The following H2AC4 variants were observed in gnomAD, a reference collection of about 807,000 sequenced individuals.
H2AC4 encodes H2A clustered histone 4.
H2AC4 carries 8 observed loss-of-function variants against 6.1 expected under a neutral mutation model. That is an observed-to-expected ratio of 1.31 (90% CI 0.77 to 2.36). The LOEUF (loss-of-function observed/expected upper bound fraction) is 2.36, where lower values mean the gene tolerates loss of function less well. Among genes scored for constraint, H2AC4 ranks in the 30% most tolerant of loss-of-function variants. H2AC4 has a pLI of 0.00. For missense variants in H2AC4, 260 were observed against 180.4 expected (o/e 1.44, Z -2.53); for synonymous variants, 129 against 78.4 (o/e 1.64, Z -3.41).
Position 26,033,496 on chromosome 6 carries a change from G to A in H2AC4, c.73C>T (p.Gln25Ter), listed in dbSNP as rs201234562. The change falls in exon 1 of 1, where the codon CAG (glutamine) becomes TAG (stop). Residue 25 changes from glutamine (Q) to a stop codon, truncating the protein, a stop_gained. Transcript: ENST00000615868. LOFTEE classifies it high-confidence loss of function. ...AKTRSSRAGL[Q>*]FPVGRVHRLL... is the part of the protein sequence containing the mutation. ...CGGTGCACTCGGCCCACAGGAAACT[G>A]CAAACCTGCACGAGAAGACCGAGTC... 2.7e-4 allele frequency: 432 copies of A among 1,614,190 alleles called. 3 individuals are homozygous for A. The South Asian group carries it at 4.5e-3, about 17-fold the overall frequency.
At position 26,033,248 on chromosome 6, in the gene H2AC4, G is replaced by A. The variant is rs775754511; in HGVS notation, c.321C>T (p.Gly107=). 1.1e-5 allele frequency: 18 copies of A among 1,614,038 alleles called. No individual in the cohort carries two copies. Among genetic ancestry groups the A allele is most frequent in the African/African-American group, 6.7e-5 (5 of 74,910 alleles). The part of the protein sequence containing the change: ...LLGRVTIAQG[G]VLPNIQAVLL... ...GCACCGCCTGAATATTAGGCAAAAC[G>A]CCACCCTGCGCGATGGTCACACGCC... Residue 107 remains glycine, a synonymous_variant, in exon 1 of 1, where the codon GGC becomes GGT. Transcript: ENST00000615868.
Position 26,033,100 on chromosome 6 carries a change from C to A in H2AC4, c.*76G>T. On this transcript the variant is annotated 3_prime_UTR_variant, in exon 1 of 1. Transcript: ENST00000615868. ...CTCATTTAATGGAAGTCGTAGGTGG[C>A]TCTGAAAAGAGCCTTTGCTGTTAGG... 6.4e-7 allele frequency: 1 copy of A among 1,554,100 alleles called. No homozygotes were observed. The highest frequency in any genetic ancestry group is 8.7e-7 in the Non-Finnish European group (1 of 1,143,930).
At position 26,033,165 on chromosome 6, in the gene H2AC4, G is replaced by C. The variant is rs1393203323; in HGVS notation, c.*11C>G. Reference sequence around the variant, plus strand: ...TGACAGAAAAACAGCAGTGCATGAAGCGTTAACTCTTCACTTTCCCTTGGC... The same window carrying C: ...TGACAGAAAAACAGCAGTGCATGAACCGTTAACTCTTCACTTTCCCTTGGC... On this transcript the variant is annotated 3_prime_UTR_variant, in exon 1 of 1. Coordinates refer to ENST00000615868, the MANE Select transcript of H2AC4 (RefSeq NM_003513.3). The C allele has an allele frequency of 1.9e-6, 3 of 1,613,846 alleles. No homozygotes were observed. Among genetic ancestry groups the C allele is most frequent in the East Asian group, 2.2e-5 (1 of 44,888 alleles).
rs771905911 is a variant in H2AC4, at chr6:26,033,186, TTGGCC to T, written c.378_382del (p.Ala127GlyfsTer6). On this transcript the variant is annotated frameshift_variant, in exon 1 of 1. Transcript: ENST00000615868. LOFTEE classifies it high-confidence loss of function. ...TGAAGCGTTAACTCTTCACTTTCCC[TTGGCC>T]TTATGATGGCTCTCAGTTTTCTTAG... 1 of 1,614,220 alleles carries T rather than the reference TTGGCC, an allele frequency of 6.2e-7. No individual in the cohort carries two copies. The highest frequency in any genetic ancestry group is 8.5e-7 in the Non-Finnish European group (1 of 1,180,036).
Position 26,033,319 on chromosome 6 carries a change from G to C in H2AC4, c.250C>G (p.Leu84Val), listed in dbSNP as rs1429374780. ...NKKTRIIPRH[L>V]QLAIRNDEEL... ...TCGTCATTGCGGATGGCCAATTGCA[G>C]GTGGCGCGGGATGATGCGGGTCTTC... Residue 84 changes from leucine (L) to valine (V), a missense_variant, in exon 1 of 1, where the codon CTG becomes GTG. By Grantham distance (32) the Leu-to-Val change is conservative. Transcript: ENST00000615868. 1.9e-6 allele frequency: 3 copies of C among 1,614,180 alleles called. No individual in the cohort carries two copies. Among genetic ancestry groups the C allele is most frequent in the East Asian group, 2.2e-5 (1 of 44,864 alleles).
In H2AC4 at chr6:26,033,265, T is replaced by C; in HGVS notation, c.304A>G (p.Thr102Ala). 1 of 1,614,180 alleles carries C rather than the reference T, an allele frequency of 6.2e-7. No individual in the cohort carries two copies. The highest frequency in any genetic ancestry group is 8.5e-7 in the Non-Finnish European group (1 of 1,180,028). ...GGCAAAACGCCACCCTGCGCGATGGTCACACGCCCCAAGAGTTTATTAAGC... is the reference window on the plus strand; with the variant it reads ...GGCAAAACGCCACCCTGCGCGATGGCCACACGCCCCAAGAGTTTATTAAGC... ...EELNKLLGRV[T>A]IAQGGVLPNI... The change falls in exon 1 of 1, where the codon ACC becomes GCC. Residue 102 changes from threonine to alanine, a missense_variant. Coordinates refer to ENST00000615868, the MANE Select transcript of H2AC4 (RefSeq NM_003513.3).
Position 26,033,505 on chromosome 6 carries a change from C to A in H2AC4, c.64G>T (p.Ala22Ser), listed in dbSNP as rs1387729496. Reference sequence around the variant, plus strand: ...CGGCCCACAGGAAACTGCAAACCTGCACGAGAAGACCGAGTCTTAGCCTTG... The same window carrying A: ...CGGCCCACAGGAAACTGCAAACCTGAACGAGAAGACCGAGTCTTAGCCTTG... ...RAKAKTRSSR[A>S]GLQFPVGRVH... The change falls in exon 1 of 1, where the codon GCA (alanine) becomes TCA (serine). Residue 22 changes from alanine to serine, a missense_variant. By Grantham distance (99) the Ala-to-Ser change is moderately conservative. Transcript: ENST00000615868. The A allele has an allele frequency of 1.2e-6, 2 of 1,614,226 alleles. No individual in the cohort carries two copies. The highest frequency in any genetic ancestry group is 1.7e-6 in the Non-Finnish European group (2 of 1,180,038).
In H2AC4 at chr6:26,033,507, C is replaced by A. The variant is rs200253591; in HGVS notation, c.62G>T (p.Arg21Leu). The A allele has an allele frequency of 1.3e-5, 21 of 1,614,078 alleles. No individual in the cohort carries two copies. In the Admixed American group the frequency reaches 2.3e-4, roughly 18 times the overall value. ...GCCCACAGGAAACTGCAAACCTGCA[C>A]GAGAAGACCGAGTCTTAGCCTTGGC... ...ARAKAKTRSS[R>L]AGLQFPVGRV... is the part of the protein sequence containing the mutation. The change falls in exon 1 of 1, where the codon CGT becomes CTT. Residue 21 changes from arginine (R) to leucine (L), a missense_variant. Physicochemically the swap from Arg to Leu is moderately radical, Grantham distance 102 (BLOSUM62 -2). Transcript: ENST00000615868.
rs781004178 is a variant in H2AC4 at position 26,033,202 on chromosome 6, T to C, written c.367A>G (p.Ser123Gly). The C allele has an allele frequency of 1.2e-6, 2 of 1,614,146 alleles. No individual in the cohort carries two copies. Among genetic ancestry groups the C allele is most frequent in the Non-Finnish European group, 8.5e-7 (1 of 1,180,014 alleles). ...QAVLLPKKTE[S>G]HHKAKGK ...CACTTTCCCTTGGCCTTATGATGGCTCTCAGTTTTCTTAGGCAGCAGCACC... is the reference window on the plus strand; with the variant it reads ...CACTTTCCCTTGGCCTTATGATGGCCCTCAGTTTTCTTAGGCAGCAGCACC... The change falls in exon 1 of 1, where the codon AGC (serine) becomes GGC (glycine). Residue 123 changes from serine (S) to glycine (G), a missense_variant. By Grantham distance (56) the Ser-to-Gly change is moderately conservative. Transcript: ENST00000615868.
Position 26,033,218 on chromosome 6 carries a change from C to T in H2AC4, c.351G>A (p.Leu117=). Residue 117 remains leucine, a synonymous_variant, in exon 1 of 1, where the codon CTG becomes CTA. Coordinates refer to ENST00000615868, the MANE Select transcript of H2AC4 (RefSeq NM_003513.3). ...GVLPNIQAVL[L]PKKTESHHKA... is the part of the protein sequence containing the mutation. ...TATGATGGCTCTCAGTTTTCTTAGG[C>T]AGCAGCACCGCCTGAATATTAGGCA... 2.5e-6 allele frequency: 4 copies of T among 1,614,200 alleles called. No homozygotes were observed. The highest frequency in any genetic ancestry group is 2.2e-5 in the South Asian group (2 of 91,086).
At position 26,033,600 on chromosome 6, in the gene H2AC4, G is replaced by C; in HGVS notation, c.-32C>G. 6.2e-7 allele frequency: 1 copy of C among 1,606,634 alleles called. No homozygotes were observed. ...TTCTGATAAGGGAAAATCGCCACAA[G>C]AAAATGTAATGAAACTACATTAGAA... On this transcript the variant is annotated 5_prime_UTR_variant, in exon 1 of 1. Coordinates refer to ENST00000615868, the MANE Select transcript of H2AC4 (RefSeq NM_003513.3).
Position 26,033,590 on chromosome 6 carries a change from ATCGCC to A in H2AC4, c.-27_-23del. The A allele has an allele frequency of 6.2e-7, 1 of 1,608,354 alleles. No individual in the cohort carries two copies. The highest frequency in any genetic ancestry group is 1.7e-5 in the Admixed American group (1 of 57,736). On this transcript the variant is annotated 5_prime_UTR_variant, in exon 1 of 1. Coordinates refer to ENST00000615868, the MANE Select transcript of H2AC4 (RefSeq NM_003513.3). Reference sequence around the variant, plus strand: ...ACATAACTACTTCTGATAAGGGAAAATCGCCACAAGAAAATGTAATGAAACTACAT... The same window carrying A: ...ACATAACTACTTCTGATAAGGGAAAAACAAGAAAATGTAATGAAACTACAT...
At position 26,033,581 on chromosome 6, in the gene H2AC4, T is replaced by TAAA. The variant is rs1554147671; in HGVS notation, c.-14_-13insTTT. ...CGCGACCAGACATAACTACTTCTGA[T>TAAA]AAGGGAAAATCGCCACAAGAAAATG... On this transcript the variant is annotated 5_prime_UTR_variant, in exon 1 of 1. Coordinates refer to ENST00000615868, the MANE Select transcript of H2AC4 (RefSeq NM_003513.3). 3.6e-5 allele frequency: 57 copies of TAAA among 1,604,534 alleles called. No individual in the cohort carries two copies. Among genetic ancestry groups the TAAA allele is most frequent in the South Asian group, 2.6e-4 (23 of 90,092 alleles).
Position 26,033,105 on chromosome 6 carries a change from A to T in H2AC4, c.*71T>A. 2 of 1,569,614 alleles carry T rather than the reference A, an allele frequency of 1.3e-6. No homozygotes were observed. The highest frequency in any genetic ancestry group is 2.3e-5 in the South Asian group (2 of 86,658). On this transcript the variant is annotated 3_prime_UTR_variant, in exon 1 of 1. Transcript: ENST00000615868. ...TTAATGGAAGTCGTAGGTGGCTCTG[A>T]AAAGAGCCTTTGCTGTTAGGCTGAT...
At position 26,033,399 on chromosome 6, in the gene H2AC4, T is replaced by C. The variant is rs774006125; in HGVS notation, c.170A>G (p.Glu57Gly). The change falls in exon 1 of 1, where the codon GAG becomes GGG. Residue 57 changes from glutamate to glycine, a missense_variant. Glu to Gly is a moderately conservative substitution (Grantham distance 98). Transcript: ENST00000615868. ...CTCCAGGATCTCGGCGGTCAGGTAC[T>C]CAAGCACCGCCGCGAGATACACCGG... ...GAPVYLAAVLEYLTAEILELA... is the reference protein window; with the variant it reads ...GAPVYLAAVLGYLTAEILELA... The C allele has an allele frequency of 2.5e-6, 4 of 1,613,866 alleles. No individual in the cohort carries two copies. In the South Asian group the frequency reaches 4.4e-5, roughly 18 times the overall value.
Position 26,033,542 on chromosome 6 carries a change from A to G in H2AC4, c.27T>C (p.Gly9=). ...GAGTCTTAGCCTTGGCGCGAGCTTTACCGCCTTGTTTGCCGCGACCAGACA... is the reference window on the plus strand; with the variant it reads ...GAGTCTTAGCCTTGGCGCGAGCTTTGCCGCCTTGTTTGCCGCGACCAGACA... MSGRGKQG[G]KARAKAKTRS... Residue 9 remains glycine (G), a synonymous_variant, in exon 1 of 1, where the codon GGT becomes GGC. Coordinates refer to ENST00000615868, the MANE Select transcript of H2AC4 (RefSeq NM_003513.3). 1 of 1,612,364 alleles carries G rather than the reference A, an allele frequency of 6.2e-7. No individual in the cohort carries two copies. The highest frequency in any genetic ancestry group is 8.5e-7 in the Non-Finnish European group (1 of 1,179,728).
rs745693623 is a variant in H2AC4, at chr6:26,033,205, C to T, written c.364G>A (p.Glu122Lys). 1 of 1,614,058 alleles carries T rather than the reference C, an allele frequency of 6.2e-7. No individual in the cohort carries two copies. Among genetic ancestry groups the T allele is most frequent in the Admixed American group, 1.7e-5 (1 of 60,018 alleles). ...TTTCCCTTGGCCTTATGATGGCTCT[C>T]AGTTTTCTTAGGCAGCAGCACCGCC... ...IQAVLLPKKT[E>K]SHHKAKGK Residue 122 changes from glutamate to lysine, a missense_variant, in exon 1 of 1, where the codon GAG (glutamate) becomes AAG (lysine). Glu to Lys is a moderately conservative substitution (Grantham distance 56, BLOSUM62 1). Coordinates refer to ENST00000615868, the MANE Select transcript of H2AC4 (RefSeq NM_003513.3).
Position 26,033,097 on chromosome 6 carries a change from T to C in H2AC4, c.*79A>G. On this transcript the variant is annotated 3_prime_UTR_variant, in exon 1 of 1. Transcript: ENST00000615868. ...CAGCTCATTTAATGGAAGTCGTAGGTGGCTCTGAAAAGAGCCTTTGCTGTT... is the reference window on the plus strand; with the variant it reads ...CAGCTCATTTAATGGAAGTCGTAGGCGGCTCTGAAAAGAGCCTTTGCTGTT... 1 of 1,523,022 alleles carries C rather than the reference T, an allele frequency of 6.6e-7. No individual in the cohort carries two copies. 94.3% of individuals were successfully genotyped at this position (1,523,022 alleles called of 1,614,324 possible).
At position 26,033,437 on chromosome 6, in the gene H2AC4, G is replaced by A; in HGVS notation, c.132C>T (p.Val44=). 1 of 1,614,172 alleles carries A rather than the reference G, an allele frequency of 6.2e-7. No individual in the cohort carries two copies. Residue 44 remains valine, a synonymous_variant, in exon 1 of 1, where the codon GTC becomes GTT. Coordinates refer to ENST00000615868, the MANE Select transcript of H2AC4 (RefSeq NM_003513.3). ...LLRKGNYSER[V]GAGAPVYLAA... is the part of the protein sequence containing the mutation. The stretch of plus-strand genomic sequence containing the variant: ...CGAGATACACCGGCGCGCCAGCCCC[G>A]ACGCGCTCGGAGTAGTTGCCTTTGC...
Sources: allele counts gnomAD v4.1 joint callset, GRCh38; gene constraint gnomAD v4.1.1; transcripts MANE v1.5; gene names NCBI Gene and HGNC (gene_info 2026-07-23, HGNC 2026-07-21).